Variants in PDE3A observed in about 807,000 individuals in gnomAD.
PDE3A encodes the protein cGMP-inhibited 3',5'-cyclic phosphodiesterase 3A.
A neutral mutation model predicts 98.3 loss-of-function variants in PDE3A; 43 were observed. That is an observed-to-expected ratio of 0.44 (90% CI 0.34 to 0.56). PDE3A has a LOEUF of 0.56. Among genes scored for constraint, PDE3A ranks in the 20% least tolerant of loss-of-function variants. The probability of loss-of-function intolerance (pLI) is 0.01; values close to 1 mark genes in which losing one functional copy is unlikely to be tolerated. For missense variants in PDE3A, 1,427 were observed against 1,440.7 expected (o/e 0.99, Z 0.15); for synonymous variants, 663 against 567.9 (o/e 1.17, Z -2.38).
At chr12:20,526,753 C>T (rs1946529482) in intron 1 of PDE3A, among the ~76,000 whole-genome samples, 1 of 150,522 alleles carries the variant, frequency 6.6e-6, no homozygotes, top group Non-Finnish European at 1.5e-5. Flanking sequence ...AATCTCATTT[C>T]ATGTCAATAT....
chr12:20,477,707 G>T (rs143390932), intron 1 of PDE3A, among the ~76,000 whole-genome samples: 1 of 152,102 alleles, frequency 6.6e-6, no homozygotes, highest in African/African-American at 2.4e-5. Context: ...TGTATAAGAC[G>T]AAGAAAACTA....
In PDE3A at chr12:20,648,750, T is replaced by G. The variant is rs1477423671; in HGVS notation, c.2628T>G (p.Leu876=). The G allele has an allele frequency of 1.9e-6, 3 of 1,613,386 alleles. No individual in the cohort carries two copies. Among genetic ancestry groups the G allele is most frequent in the Admixed American group, 1.7e-5 (1 of 60,004 alleles). ...ENHHAAAAWN[L]FMSRPEYNFL... is the part of the protein sequence containing the mutation. The stretch of plus-strand genomic sequence containing the variant: ...ATCACGCAGCTGCTGCATGGAATCT[T>G]TTCATGTCCCGGCCAGAGTATAACT... Residue 876 remains leucine (L), a synonymous_variant, in exon 13 of 16, where the codon CTT becomes CTG. Transcript: ENST00000359062.
chr12:20,456,542 CT>C (rs1945154451), intron 1 of PDE3A, among the ~76,000 whole-genome samples: 1 of 152,088 alleles, frequency 6.6e-6, no homozygotes, highest in African/African-American at 2.4e-5. Context: ...GCAAAACCAA[CT>C]TATAATAACA....
intron 1 of PDE3A, among the ~76,000 whole-genome samples, chr12:20,400,378 G>GGTT (rs1944100388): frequency 1.9e-5 from 2 of 106,110 alleles, no homozygotes; most frequent in Admixed American, 1.9e-4. Context: ...CGTTAACATT[G>GGTT]GTTTTTTTTT....
intron 1 of PDE3A, among the ~76,000 whole-genome samples, chr12:20,461,565 A>G (rs369410137): frequency 2.6e-5 from 4 of 152,314 alleles, no homozygotes; most frequent in Middle Eastern, 3.4e-3. Flanking sequence ...ACATAAAGAT[A>G]TAAAACAGAA....
chr12:20,450,681 A>G (rs570451931), intron 1 of PDE3A, among the ~76,000 whole-genome samples: 247 of 152,346 alleles, frequency 1.6e-3, no homozygotes, highest in African/African-American at 5.6e-3. Context: ...GGAGTAGTTC[A>G]AGTTGTCTTC....
chr12:20,495,151 G>GT (rs1226525987), intron 1 of PDE3A, among the ~76,000 whole-genome samples: 1 of 152,064 alleles, frequency 6.6e-6, no homozygotes, highest in Non-Finnish European at 1.5e-5. Context: ...TGTTTGAAAT[G>GT]TGTTCAATCA....
intron 1 of PDE3A, among the ~76,000 whole-genome samples, chr12:20,480,795 G>C (rs1945608907): frequency 6.6e-6 from 1 of 152,182 alleles, no homozygotes; most frequent in African/African-American, 2.4e-5. Flanking sequence ...TTTTCACAAA[G>C]ATAAGTTCTA....
chr12:20,478,040 G>A (rs1945559196), intron 1 of PDE3A, among the ~76,000 whole-genome samples: 1 of 152,122 alleles, frequency 6.6e-6, no homozygotes, highest in African/African-American at 2.4e-5. Context: ...AAATGTGTAA[G>A]GCTTTAAGCT....
intron 1 of PDE3A, among the ~76,000 whole-genome samples, chr12:20,386,259 TA>T (rs1182049316): frequency 7.6e-6 from 1 of 131,176 alleles, no homozygotes; most frequent in Non-Finnish European, 1.6e-5. Flanking sequence ...TTAATTATAT[TA>T]ATATATTATA....
In PDE3A at chr12:20,369,184, T is replaced by A. The variant is rs1362302483; in HGVS notation, c.-101T>A. ...TCCGAGGGTGGAATTGGGAAGAGCG[T>A]GCGTGCGTGTGTGTGTGTGTGTGTG... On this transcript the variant is annotated 5_prime_UTR_variant, in exon 1 of 16. Transcript: ENST00000359062. 20 of 704,928 alleles carry A rather than the reference T, an allele frequency of 2.8e-5. No homozygotes were observed. Among genetic ancestry groups the A allele is most frequent in the Non-Finnish European group, 4.1e-5 (19 of 458,568 alleles). The allele number at this position is 704,928 out of a possible 1,614,324, so 43.7% of individuals were successfully genotyped here. A position where few individuals can be genotyped will look rare whatever the true frequency, so the allele number is the denominator to read the frequency against.
At chr12:20,447,663 A>C (rs1231871015) in intron 1 of PDE3A, among the ~76,000 whole-genome samples, 1 of 152,236 alleles carries the variant, frequency 6.6e-6, no homozygotes, top group Non-Finnish European at 1.5e-5. Context: ...CAGCTCTCCA[A>C]CTGGCTGTTC....
intron 1 of PDE3A, among the ~76,000 whole-genome samples, chr12:20,492,327 G>T (rs1276306585): frequency 1.3e-5 from 2 of 152,112 alleles, no homozygotes; most frequent in Non-Finnish European, 1.5e-5. Context: ...CCAGCATAGT[G>T]GGGGAGGCAG....
rs903656771 is a variant in PDE3A, at chr12:20,654,302, G to C, written c.3184+97G>C. The C allele has an allele frequency of 1.0e-4, 118 of 1,155,984 alleles. 1 individual carries two copies. The Admixed American group carries it at 2.5e-3, about 24-fold the overall frequency. The allele number at this position is 1,155,984 out of a possible 1,614,324, so 71.6% of individuals were successfully genotyped here. The stretch of plus-strand genomic sequence containing the variant: ...TCTTATGAAATACACAATACTTCAA[G>C]TCTAAACATCATTTGCGGAGTTTGA... On this transcript the variant is annotated intron_variant, in intron 15 of 15. Coordinates refer to ENST00000359062, the MANE Select transcript of PDE3A (RefSeq NM_000921.5).
intron 2 of PDE3A, among the ~76,000 whole-genome samples, chr12:20,611,261 G>A (rs1044470818): frequency 2.6e-5 from 4 of 151,684 alleles, no homozygotes; most frequent in African/African-American, 4.8e-5. Flanking sequence ...ACATATGCAT[G>A]ACTATGTATC....
At chr12:20,497,970 A>C (rs1426633575) in intron 1 of PDE3A, among the ~76,000 whole-genome samples, 1 of 152,162 alleles carries the variant, frequency 6.6e-6, no homozygotes, top group African/African-American at 2.4e-5. Context: ...ATCTTTTGCT[A>C]TCCCACTGTT....
At chr12:20,500,733 T>C (rs1309893620) in intron 1 of PDE3A, among the ~76,000 whole-genome samples, 2 of 151,760 alleles carry the variant, frequency 1.3e-5, no homozygotes, top group Non-Finnish European at 1.5e-5. Context: ...TTTTAAAAAA[T>C]TGATCGATGT....
At chr12:20,410,210 G>A (rs1408674300) in intron 1 of PDE3A, among the ~76,000 whole-genome samples, 1 of 151,994 alleles carries the variant, frequency 6.6e-6, no homozygotes, top group Non-Finnish European at 1.5e-5. Context: ...ATCCTTTTTT[G>A]TAGCCATCCT....
At chr12:20,511,811 C>T (rs1391707977) in intron 1 of PDE3A, among the ~76,000 whole-genome samples, 1 of 151,986 alleles carries the variant, frequency 6.6e-6, no homozygotes, top group African/African-American at 2.4e-5. Context: ...AGAAACCTTA[C>T]AGACACTGCC....
Sources: gnomAD v4.1 joint callset for allele counts (sites outside exome capture counted in the v4.1 genomes callset) on GRCh38, gnomAD v4.1.1 for gene constraint, MANE v1.5 for transcripts, NCBI Gene and HGNC (gene_info 2026-07-23, HGNC 2026-07-21) for gene names.